PCOLCE2: variants seen among roughly 807,000 people sequenced by gnomAD.
The protein encoded by PCOLCE2 is procollagen C-proteinase enhancer 2.
In PCOLCE2, 42 loss-of-function variants were observed where a neutral mutation model predicts 47.0. The observed-to-expected ratio is 0.89, with a 90% CI of 0.70 to 1.16. PCOLCE2 has a LOEUF of 1.16. Ranked by LOEUF, PCOLCE2 falls within the 50% of genes most tolerant of loss-of-function variation. PCOLCE2 has a pLI of 0.00. For missense variants in PCOLCE2, 500 were observed against 526.1 expected, an observed-to-expected ratio of 0.95 and a Z score of 0.49; for synonymous variants, 169 against 191.7, an observed-to-expected ratio of 0.88 and a Z score of 0.98.
At chr3:142,839,867 T>C (rs571005122) in intron 4 of PCOLCE2, among the ~76,000 whole-genome samples, 8 of 152,268 alleles carry the variant, frequency 5.3e-5, no homozygotes, top group African/African-American at 1.7e-4. Flanking sequence ...GATAACTGGA[T>C]GTGTGTTATA....
At chr3:142,846,487 A>G (rs1937329716) in intron 3 of PCOLCE2, among the ~76,000 whole-genome samples, 2 of 152,210 alleles carry the variant, frequency 1.3e-5, no homozygotes, top group Admixed American at 6.5e-5. Context: ...GGCATGAGCC[A>G]CTACGCTCAG....
At chr3:142,868,065 T>G (rs751940277) in intron 2 of PCOLCE2, among the ~76,000 whole-genome samples, 5 of 152,186 alleles carry the variant, frequency 3.3e-5, no homozygotes, top group African/African-American at 4.8e-5. Context: ...ACAATGATAA[T>G]TCTTTTGTTT....
chr3:142,864,960 C>T (rs1292967226), intron 2 of PCOLCE2, among the ~76,000 whole-genome samples: 1 of 152,170 alleles, frequency 6.6e-6, no homozygotes, highest in Non-Finnish European at 1.5e-5. Context: ...CTTCCATAAA[C>T]ATCTTTGTAC....
chr3:142,880,530 A>G (rs776261492), intron 2 of PCOLCE2, among the ~76,000 whole-genome samples: 2 of 152,220 alleles, frequency 1.3e-5, no homozygotes, highest in South Asian at 2.1e-4. Context: ...CTATGTCTCA[A>G]TTTTCACAAA....
intron 2 of PCOLCE2, among the ~76,000 whole-genome samples, chr3:142,858,364 A>C (rs779105686): frequency 2.0e-5 from 3 of 152,172 alleles, no homozygotes; most frequent in Non-Finnish European, 4.4e-5. Context: ...GATGGAAAAA[A>C]AGTTTCCTAT....
At chr3:142,880,009 A>G (rs1560142414) in intron 2 of PCOLCE2, among the ~76,000 whole-genome samples, 1 of 151,216 alleles carries the variant, frequency 6.6e-6, no homozygotes, top group Non-Finnish European at 1.5e-5. Context: ...TAAAGTTTCC[A>G]AATTATACTT....
chr3:142,831,863 T>A (rs1343670625), intron 5 of PCOLCE2, among the ~76,000 whole-genome samples: 2 of 152,192 alleles, frequency 1.3e-5, no homozygotes, highest in Non-Finnish European at 2.9e-5. Flanking sequence ...AGGAAGAGTA[T>A]TTTAGGAACA....
At chr3:142,859,234 T>G (rs992386643) in intron 2 of PCOLCE2, among the ~76,000 whole-genome samples, 1 of 151,952 alleles carries the variant, frequency 6.6e-6, no homozygotes, top group Admixed American at 6.5e-5. Flanking sequence ...AGCTAATTTT[T>G]GTATTTTTAG....
chr3:142,829,928 T>A, intron 5 of PCOLCE2, 82 bp from the exon 6 acceptor site: 1 of 752,240 alleles, frequency 1.3e-6, no homozygotes, highest in Non-Finnish European at 2.1e-6. Context: ...AGTTTTCCAT[T>A]AACTTCCGAC....
intron 8 of PCOLCE2, among the ~76,000 whole-genome samples, chr3:142,818,772 C>T (rs1016889734): frequency 7.2e-5 from 11 of 152,170 alleles, no homozygotes; most frequent in Admixed American, 4.6e-4. Flanking sequence ...AGACTCTCAT[C>T]GGCAAAAAGC....
At chr3:142,845,906 T>C (rs973772288) in intron 3 of PCOLCE2, among the ~76,000 whole-genome samples, 2 of 151,926 alleles carry the variant, frequency 1.3e-5, no homozygotes, top group African/African-American at 4.8e-5. Flanking sequence ...ACCTGGGAGG[T>C]GGAGGTTGCA....
chr3:142,888,632 G>A, intron 1 of PCOLCE2, 182 bp downstream of exon 1: 2 of 435,958 alleles, frequency 4.6e-6, no homozygotes, highest in Non-Finnish European at 8.3e-6. Context: ...AGCAAGGATG[G>A]GTCCCGAAGT....
chr3:142,821,250 T>C (rs1045447540), intron 7 of PCOLCE2, among the ~76,000 whole-genome samples: 5 of 152,204 alleles, frequency 3.3e-5, no homozygotes, highest in African/African-American at 7.2e-5. Flanking sequence ...TTGTTGGGGA[T>C]TGATAACTAG....
intron 7 of PCOLCE2, among the ~76,000 whole-genome samples, chr3:142,821,343 G>C (rs954065313): frequency 9.4e-5 from 14 of 149,086 alleles, no homozygotes; most frequent in Non-Finnish European, 1.8e-4. Flanking sequence ...CTTGTGGCTT[G>C]ATTGTCACAT....
At chr3:142,849,952 T>G (rs1488788356) in intron 2 of PCOLCE2, among the ~76,000 whole-genome samples, 1 of 152,256 alleles carries the variant, frequency 6.6e-6, no homozygotes, top group Non-Finnish European at 1.5e-5. Flanking sequence ...CAAACACATC[T>G]ACACTTCATC....
At chr3:142,861,485 C>CTATTATCAAGTTTTAAATT (rs1933181989) in intron 2 of PCOLCE2, among the ~76,000 whole-genome samples, 2 of 148,404 alleles carry the variant, frequency 1.3e-5, no homozygotes, top group Non-Finnish European at 1.5e-5. Flanking sequence ...AAGTTTAGCC[C>CTATTATCAAGTTTTAAATT]TGATACTAAT....
intron 8 of PCOLCE2, among the ~76,000 whole-genome samples, chr3:142,819,679 T>C (rs1936990634): frequency 6.6e-6 from 1 of 152,218 alleles, no homozygotes; most frequent in South Asian, 2.1e-4. Context: ...ACAGTCTTGC[T>C]CTGCCACCCA....
chr3:142,836,151 C>A (rs13091843), intron 5 of PCOLCE2, among the ~76,000 whole-genome samples: 52,893 of 152,038 alleles, frequency 0.35, 9,945 homozygotes, highest in Non-Finnish European at 0.42. Flanking sequence ...AAATTCTAAC[C>A]CCAAATGTTG....
chr3:142,855,268 T>C (rs1933038710), intron 2 of PCOLCE2, among the ~76,000 whole-genome samples: 1 of 152,218 alleles, frequency 6.6e-6, no homozygotes, highest in South Asian at 2.1e-4. Flanking sequence ...GTCTACAGTT[T>C]GTCCAATGCT....
Sources: allele counts gnomAD v4.1 joint callset (sites outside exome capture counted in the v4.1 genomes callset), GRCh38; gene constraint gnomAD v4.1.1; transcripts MANE v1.5; gene names NCBI Gene and HGNC (gene_info 2026-07-23, HGNC 2026-07-21).